Variants in ABCB4 observed in about 807,000 individuals in gnomAD.
ABCB4 encodes the protein ATP binding cassette subfamily B member 4.
In ABCB4, 76 loss-of-function variants were observed where a neutral mutation model predicts 145.7. The observed-to-expected ratio is 0.52, with a 90% CI of 0.43 to 0.63. ABCB4 has a LOEUF of 0.63. Ranked by LOEUF, ABCB4 falls within the 30% of genes least tolerant of loss-of-function variation. The pLI is 0.00. For synonymous variants in ABCB4, 517 were observed against 566.8 expected (o/e 0.91, Z 1.25); for missense variants, 1,234 against 1,553.1 (o/e 0.79, Z 3.45).
At chr7:87,406,760 C>T (rs1171657961) in intron 25 of ABCB4, among the ~76,000 whole-genome samples, 1 of 152,142 alleles carries the variant, frequency 6.6e-6, no homozygotes, top group African/African-American at 2.4e-5. Flanking sequence ...CTTGTCTGCC[C>T]TCCTCCAGCC....
At chr7:87,375,897 C>G in the ABCB4 span, 1 of 1,613,086 alleles carries the variant, frequency 6.2e-7, no homozygotes, top group East Asian at 2.2e-5. Context: ...GAGTAGTTTA[C>G]TGGTATATTC....
chr7:87,428,458 T>C (rs1332325452), intron 15 of ABCB4, among the ~76,000 whole-genome samples: 1 of 151,976 alleles, frequency 6.6e-6, no homozygotes, highest in Non-Finnish European at 1.5e-5. Flanking sequence ...GGGGTAAATA[T>C]CCTTTCGGAG....
the ABCB4 span, among the ~76,000 whole-genome samples, chr7:87,376,136 C>T: frequency 6.6e-6 from 1 of 151,932 alleles, no homozygotes; most frequent in Non-Finnish European, 1.5e-5. Context: ...AAATCCTTGC[C>T]ACATTGTTTA....
Position 87,424,107 on chromosome 7 carries a change from C to T in ABCB4, c.2065-55G>A. On this transcript the variant is annotated intron_variant, in intron 16 of 27. Coordinates refer to ENST00000649586, the MANE Select transcript of ABCB4 (RefSeq NM_000443.4). ...GTGATGACACAACAGTTACCAGAGT[C>T]TGTAGACATAGAAAAGGCATGGCCA... 9 of 1,612,298 alleles carry T rather than the reference C, an allele frequency of 5.6e-6. No individual in the cohort carries two copies. In the South Asian group the frequency reaches 9.9e-5, roughly 18 times the overall value.
chr7:87,453,211 T>C (rs1438084328), intron 5 of ABCB4, 76 bp from the exon 6 acceptor site: 1 of 1,421,450 alleles, frequency 7.0e-7, no homozygotes, highest in East Asian at 2.4e-5. Flanking sequence ...TGAAACTGAG[T>C]CTCACTCTGT....
At chr7:87,403,060 T>C in intron 27 of ABCB4, 75 bp downstream of exon 27, 2 of 1,522,590 alleles carry the variant, frequency 1.3e-6, no homozygotes. Context: ...TTGTGTGTGT[T>C]TTTTTCATGG....
intron 3 of ABCB4, among the ~76,000 whole-genome samples, chr7:87,468,400 C>T (rs1179281349): frequency 6.7e-6 from 1 of 149,468 alleles, no homozygotes; most frequent in Non-Finnish European, 1.5e-5. Flanking sequence ...TAATAGCTTA[C>T]CAACCAAAAA....
chr7:87,468,111 G>GT (rs1813063843), intron 3 of ABCB4, among the ~76,000 whole-genome samples: 1 of 152,144 alleles, frequency 6.6e-6, no homozygotes, highest in South Asian at 2.1e-4. Flanking sequence ...CCAGGAGCTG[G>GT]TTTTTTGAAA....
At chr7:87,402,343 A>G in intron 27 of ABCB4, 41 bp from the exon 28 acceptor site, 2 of 1,609,772 alleles carry the variant, frequency 1.2e-6, no homozygotes, top group Admixed American at 1.7e-5. Context: ...CAAAAATTGT[A>G]TAAATTAGTT....
chr7:87,385,869 T>C, the ABCB4 span, among the ~76,000 whole-genome samples: 149 of 152,372 alleles, frequency 9.8e-4, no homozygotes, highest in East Asian at 0.026. Flanking sequence ...CTGAGTTTGT[T>C]GAAAATTTTT....
chr7:87,465,330 G>C (rs946652937), intron 3 of ABCB4, among the ~76,000 whole-genome samples: 3 of 152,186 alleles, frequency 2.0e-5, no homozygotes, highest in African/African-American at 7.2e-5. Context: ...GCTGGGGGAA[G>C]GGTGCCCTCC....
chr7:87,406,125 C>T, intron 26 of ABCB4, 163 bp downstream of exon 26: 2 of 705,420 alleles, frequency 2.8e-6, no homozygotes, highest in Non-Finnish European at 4.9e-6. Context: ...ATAATGTATT[C>T]CCATTTACAA....
At chr7:87,470,414 T>C (rs901616036) in intron 3 of ABCB4, among the ~76,000 whole-genome samples, 2 of 152,128 alleles carry the variant, frequency 1.3e-5, no homozygotes, top group Admixed American at 1.3e-4. Context: ...CAAAAGAAAC[T>C]ATCATTAGAG....
At chr7:87,406,842 A>C (rs1303960914) in intron 25 of ABCB4, among the ~76,000 whole-genome samples, 1 of 152,118 alleles carries the variant, frequency 6.6e-6, no homozygotes, top group Non-Finnish European at 1.5e-5. Flanking sequence ...CCCCAGAATA[A>C]TCCTAACCCT....
At chr7:87,470,264 C>T (rs1813267168) in intron 3 of ABCB4, among the ~76,000 whole-genome samples, 1 of 152,144 alleles carries the variant, frequency 6.6e-6, no homozygotes, top group Non-Finnish European at 1.5e-5. Context: ...ACCATAAAAA[C>T]CCTAGAAGAA....
At chr7:87,379,139 G>A in the ABCB4 span, among the ~76,000 whole-genome samples, 1 of 152,020 alleles carries the variant, frequency 6.6e-6, no homozygotes, top group African/African-American at 2.4e-5. Context: ...ACTGCCCCCT[G>A]GCTTCTTCCC....
At chr7:87,373,939 A>T in the ABCB4 span, among the ~76,000 whole-genome samples, 1 of 152,116 alleles carries the variant, frequency 6.6e-6, no homozygotes, top group Non-Finnish European at 1.5e-5. Flanking sequence ...AGTGTCAAAC[A>T]TTCTATAATG....
At chr7:87,411,071 A>G (rs45549532) in intron 23 of ABCB4, among the ~76,000 whole-genome samples, 9,093 of 152,180 alleles carry the variant, frequency 0.06, 333 homozygotes, top group South Asian at 0.16. Flanking sequence ...AAACTCATCA[A>G]TTAACCCATT....
At chr7:87,475,865 C>T (rs1813786217), upstream of ABCB4, 1 of 152,654 alleles carries the variant, frequency 6.6e-6, no homozygotes, top group Non-Finnish European at 1.5e-5. Flanking sequence ...GGGGCGCAGC[C>T]TGCCGCTCTT....
Sources: allele counts gnomAD v4.1 joint callset (sites outside exome capture counted in the v4.1 genomes callset), GRCh38; gene constraint gnomAD v4.1.1; transcripts MANE v1.5; gene names NCBI Gene and HGNC (gene_info 2026-07-23, HGNC 2026-07-21).